CCDC146: variants seen among roughly 807,000 people sequenced by gnomAD.
CCDC146 encodes coiled-coil domain-containing protein 146.
Under a neutral mutation model 119.3 loss-of-function variants are expected in CCDC146, and 92 were observed. That is an observed-to-expected ratio of 0.77 (90% CI 0.65 to 0.92). The LOEUF (loss-of-function observed/expected upper bound fraction) is 0.92, where lower values mean the gene tolerates loss of function less well. Among genes scored for constraint, CCDC146 ranks in the 40% least tolerant of loss-of-function variants. The pLI is 0.00. For missense variants in CCDC146, 1,000 were observed against 1,103.0 expected (o/e 0.91, Z 1.32); for synonymous variants, 372 against 371.8 (o/e 1.00, Z -0.01).
intron 3 of CCDC146, among the ~76,000 whole-genome samples, chr7:77,240,733 C>A (rs1329684102): frequency 6.6e-6 from 1 of 152,186 alleles, no homozygotes; most frequent in Non-Finnish European, 1.5e-5. Flanking sequence ...ATCCTTCACC[C>A]ATTTTCCTCT....
At chr7:77,127,085 C>A (rs1354230425) in intron 1 of CCDC146, among the ~76,000 whole-genome samples, 1 of 152,126 alleles carries the variant, frequency 6.6e-6, no homozygotes. Flanking sequence ...GGGGGCCTTC[C>A]GGGGCACCAG....
intron 3 of CCDC146, 181 bp downstream of exon 3, chr7:77,237,210 G>A (rs1281721121): frequency 5.1e-6 from 3 of 586,738 alleles, no homozygotes; most frequent in Non-Finnish European, 9.3e-6. Flanking sequence ...GACTGGGAAG[G>A]AAGGAATCTA....
intron 2 of CCDC146, among the ~76,000 whole-genome samples, chr7:77,206,666 TATATATAC>T (rs1562832997): frequency 7.4e-6 from 1 of 134,510 alleles, no homozygotes. Flanking sequence ...TATATATATA[TATATATAC>T]ACACACACAC....
At chr7:77,231,588 C>A (rs1287234545) in intron 2 of CCDC146, among the ~76,000 whole-genome samples, 1 of 151,906 alleles carries the variant, frequency 6.6e-6, no homozygotes, top group Admixed American at 6.6e-5. Flanking sequence ...CTGTTGAACT[C>A]CTCCAGTGAA....
intron 2 of CCDC146, among the ~76,000 whole-genome samples, chr7:77,230,757 C>T (rs1272372609): frequency 2.0e-5 from 3 of 152,064 alleles, no homozygotes; most frequent in South Asian, 2.1e-4. Context: ...AATATGTTTT[C>T]ATCCCATTTG....
At chr7:77,271,149 T>C (rs187923922) in intron 9 of CCDC146, among the ~76,000 whole-genome samples, 11 of 151,764 alleles carry the variant, frequency 7.2e-5, no homozygotes, top group African/African-American at 2.7e-4. Context: ...ATCCTGGGTG[T>C]GTCTGTGAAG....
chr7:77,184,193 G>A lies in CCDC146; in HGVS notation c.156+16369G>A, dbSNP rs1224886359. Among the ~76,000 whole-genome samples, 3 of 152,122 alleles carry A rather than the reference G, an allele frequency of 2.0e-5. No homozygotes were observed. The East Asian group carries it at 5.8e-4, about 29-fold the overall frequency. On this transcript the variant is annotated intron_variant, in intron 2 of 18. Coordinates refer to ENST00000285871, the MANE Select transcript of CCDC146 (RefSeq NM_020879.3). ...GAAACCTCATGATACAGAAAAAAAA[G>A]CAGAACTATTCCAGCTAAATAGTGT...
At chr7:77,176,231 TTCTC>T (rs1410041012) in intron 2 of CCDC146, among the ~76,000 whole-genome samples, 1 of 151,182 alleles carries the variant, frequency 6.6e-6, no homozygotes, top group African/African-American at 2.5e-5. Flanking sequence ...TGTCAGTTGG[TTCTC>T]TCTTGTTAAT....
intron 1 of CCDC146, among the ~76,000 whole-genome samples, chr7:77,162,773 G>T (rs915829383): frequency 1.7e-4 from 26 of 151,614 alleles, no homozygotes; most frequent in Non-Finnish European, 5.9e-5. Context: ...TCCATAACAT[G>T]GGATACCTTT....
chr7:77,259,138 C>T, intron 7 of CCDC146, 70 bp downstream of exon 7: 1 of 901,414 alleles, frequency 1.1e-6, no homozygotes, highest in Non-Finnish European at 1.8e-6. Flanking sequence ...AACAAGAGTA[C>T]TAACCATTGG....
At chr7:77,291,292 C>T (rs371259074) in intron 17 of CCDC146, among the ~76,000 whole-genome samples, 1 of 152,134 alleles carries the variant, frequency 6.6e-6, no homozygotes, top group Non-Finnish European at 1.5e-5. Flanking sequence ...ATTTATAAGA[C>T]AGCTTACAGG....
At chr7:77,284,206 T>C (rs1483577341) in intron 15 of CCDC146, among the ~76,000 whole-genome samples, 2 of 152,204 alleles carry the variant, frequency 1.3e-5, no homozygotes, top group African/African-American at 4.8e-5. Context: ...GGCAATGGTA[T>C]GTGGGGTTAC....
intron 4 of CCDC146, among the ~76,000 whole-genome samples, chr7:77,243,837 C>A (rs2150491997): frequency 6.6e-6 from 1 of 152,110 alleles, no homozygotes; most frequent in South Asian, 2.1e-4. Context: ...CCTGTGTAGG[C>A]CTAGGCTAAT....
At chr7:77,240,890 T>A (rs1584103119) in intron 3 of CCDC146, among the ~76,000 whole-genome samples, 2 of 152,288 alleles carry the variant, frequency 1.3e-5, no homozygotes, top group Admixed American at 1.3e-4. Flanking sequence ...TACCCCACTA[T>A]ATTTAGCCCT....
intron 2 of CCDC146, among the ~76,000 whole-genome samples, chr7:77,174,011 C>G (rs1355341778): frequency 6.6e-6 from 1 of 152,078 alleles, no homozygotes; most frequent in Non-Finnish European, 1.5e-5. Context: ...TATCTCTTCT[C>G]CCACCATATT....
At chr7:77,204,272 T>C (rs1364258510) in intron 2 of CCDC146, among the ~76,000 whole-genome samples, 1 of 152,228 alleles carries the variant, frequency 6.6e-6, no homozygotes, top group East Asian at 1.9e-4. Flanking sequence ...AAATATTTAT[T>C]TTAATATTCC....
At position 77,236,968 on chromosome 7, in the gene CCDC146, C is replaced by T; in HGVS notation, c.178C>T (p.Pro60Ser). ...LHELHAMGKL[P>S]GTRMAALKAK... ...CTAGTTACATGCTATGGGAAAACTT[C>T]CTGGAACCAGAATGGCAGCGTTAAA... The change falls in exon 3 of 19, where the codon CCT becomes TCT. Residue 60 changes from proline to serine, a missense_variant. Transcript: ENST00000285871. 6.2e-7 allele frequency: 1 copy of T among 1,614,102 alleles called. No individual in the cohort carries two copies.
At chr7:77,201,071 T>C (rs989164548) in intron 2 of CCDC146, among the ~76,000 whole-genome samples, 3 of 152,194 alleles carry the variant, frequency 2.0e-5, no homozygotes, top group Admixed American at 1.3e-4. Flanking sequence ...GTTGGCAGAC[T>C]CTTTACTCTT....
chr7:77,255,345 C>T (rs943274758), intron 5 of CCDC146: 6 of 152,106 alleles, frequency 3.9e-5, no homozygotes, highest in African/African-American at 1.2e-4. Context: ...AGGAGGAATT[C>T]GTGGCCACTT....
Sources: allele counts gnomAD v4.1 joint callset (sites outside exome capture counted in the v4.1 genomes callset), GRCh38; gene constraint gnomAD v4.1.1; transcripts MANE v1.5; gene names NCBI Gene and HGNC (gene_info 2026-07-23, HGNC 2026-07-21).